Variants in MIS18A observed in about 807,000 individuals in gnomAD.
MIS18A encodes the protein MIS18 kinetochore protein A.
A neutral mutation model predicts 25.0 loss-of-function variants in MIS18A; 14 were observed. The ratio of observed to expected loss-of-function variants is 0.56; its 90% CI spans 0.37 to 0.88. The LOEUF (loss-of-function observed/expected upper bound fraction) is 0.88. Among genes scored for constraint, MIS18A ranks in the 40% least tolerant of loss-of-function variants. The probability of loss-of-function intolerance (pLI) is 0.00; values close to 1 mark genes in which losing one functional copy is unlikely to be tolerated. For synonymous variants in MIS18A, 134 were observed against 118.6 expected (o/e 1.13, Z -0.84); for missense variants, 292 against 290.8 (o/e 1.00, Z -0.03).
Position 32,274,949 on chromosome 21 carries a change from C to A in MIS18A, c.335-53G>T. 2.1e-6 allele frequency: 3 copies of A among 1,412,948 alleles called. No individual in the cohort carries two copies. The South Asian group carries it at 3.7e-5, about 17-fold the overall frequency. 87.5% of individuals were successfully genotyped at this position (1,412,948 alleles called of 1,614,324 possible). A position where few individuals can be genotyped will look rare whatever the true frequency, so the allele number is the denominator to read the frequency against. On this transcript the variant is annotated intron_variant, in intron 1 of 4. Transcript: ENST00000290130. ...TATTAATGTAGTTCGTTATAACATACCTGCAGACAGAGAGTTTCTAATCCA... is the reference window on the plus strand; with the variant it reads ...TATTAATGTAGTTCGTTATAACATAACTGCAGACAGAGAGTTTCTAATCCA...
chr21:32,245,287 G>A, the MIS18A span, among the ~76,000 whole-genome samples: 3 of 152,220 alleles, frequency 2.0e-5, no homozygotes, highest in African/African-American at 7.2e-5. Flanking sequence ...ATCGCACTGG[G>A]AAGATAAATA....
the MIS18A span, among the ~76,000 whole-genome samples, chr21:32,196,195 T>A: frequency 6.6e-6 from 1 of 152,050 alleles, no homozygotes; most frequent in East Asian, 1.9e-4. Flanking sequence ...GCCACCTCCG[T>A]GTGGGTGGGC....
chr21:32,191,159 C>G, the MIS18A span, among the ~76,000 whole-genome samples: 124 of 152,198 alleles, frequency 8.1e-4, 1 homozygote, highest in Non-Finnish European at 1.3e-4. Context: ...AATAAATGTC[C>G]AGGGGATAAA....
intron 2 of MIS18A, among the ~76,000 whole-genome samples, chr21:32,272,263 C>T (rs2031727976): frequency 6.6e-6 from 1 of 152,184 alleles, no homozygotes; most frequent in South Asian, 2.1e-4. Context: ...ACAGAGAAAA[C>T]AGCACTGGCA....
the MIS18A span, among the ~76,000 whole-genome samples, chr21:32,246,996 C>G: frequency 6.6e-6 from 1 of 152,154 alleles, no homozygotes; most frequent in Non-Finnish European, 1.5e-5. Context: ...ATGACTGGCT[C>G]CAACCCAAAC....
the MIS18A span, among the ~76,000 whole-genome samples, chr21:32,203,654 C>A: frequency 8.1e-6 from 1 of 122,868 alleles, no homozygotes; most frequent in Non-Finnish European, 1.6e-5. Flanking sequence ...GGGTCTCACT[C>A]TGTCACCCAG....
chr21:32,173,967 T>G, the MIS18A span, among the ~76,000 whole-genome samples: 4 of 54,832 alleles, frequency 7.3e-5, no homozygotes, highest in Admixed American at 5.3e-4. Flanking sequence ...TTTTTTTTTT[T>G]TTTTTTTTTT....
At chr21:32,244,347 A>C in the MIS18A span, among the ~76,000 whole-genome samples, 1 of 152,044 alleles carries the variant, frequency 6.6e-6, no homozygotes, top group Admixed American at 6.6e-5. Flanking sequence ...AGGTGGTTAC[A>C]TGAGGGTGTA....
the MIS18A span, among the ~76,000 whole-genome samples, chr21:32,178,953 C>T: frequency 1.3e-5 from 2 of 152,138 alleles, no homozygotes; most frequent in African/African-American, 4.8e-5. Flanking sequence ...TCAGCTGCTT[C>T]ATCTGCTGTT....
the MIS18A span, among the ~76,000 whole-genome samples, chr21:32,201,292 C>G: frequency 1.3e-5 from 2 of 152,002 alleles, no homozygotes; most frequent in East Asian, 3.9e-4. Context: ...GAGCCGACCC[C>G]GAGACAGAGG....
chr21:32,242,219 G>A, the MIS18A span, among the ~76,000 whole-genome samples: 4 of 152,322 alleles, frequency 2.6e-5, no homozygotes, highest in Admixed American at 6.5e-5. Context: ...GCCTGAGAGC[G>A]ATTGAATTTT....
the MIS18A span, among the ~76,000 whole-genome samples, chr21:32,198,615 G>A: frequency 2.6e-5 from 4 of 152,326 alleles, no homozygotes; most frequent in East Asian, 7.7e-4. Flanking sequence ...AGCCCAGCAG[G>A]GATACTCACA....
chr21:32,210,751 A>G, the MIS18A span, among the ~76,000 whole-genome samples: 1 of 152,170 alleles, frequency 6.6e-6, no homozygotes, highest in African/African-American at 2.4e-5. Context: ...TTGTTAATAG[A>G]GGCATTAAAA....
the MIS18A span, among the ~76,000 whole-genome samples, chr21:32,228,411 A>G: frequency 6.6e-6 from 1 of 152,214 alleles, no homozygotes. Flanking sequence ...TAATAGTGAA[A>G]GGCAGTGCTT....
the MIS18A span, among the ~76,000 whole-genome samples, chr21:32,240,296 C>G: frequency 6.6e-6 from 1 of 152,236 alleles, no homozygotes; most frequent in African/African-American, 2.4e-5. Flanking sequence ...AGGTGAAGCC[C>G]TCACGAATGG....
chr21:32,207,362 T>C, the MIS18A span, among the ~76,000 whole-genome samples: 77 of 152,286 alleles, frequency 5.1e-4, no homozygotes, highest in Admixed American at 7.8e-4. Flanking sequence ...AGGGCAGATG[T>C]TTTTTACATA....
the MIS18A span, among the ~76,000 whole-genome samples, chr21:32,193,199 G>C: frequency 9.2e-5 from 14 of 152,262 alleles, no homozygotes; most frequent in Non-Finnish European, 1.3e-4. Flanking sequence ...GGCATGAGGA[G>C]GCCAGGCCTG....
At chr21:32,263,663 G>C (rs913146969), downstream of MIS18A, among the ~76,000 whole-genome samples, 1 of 152,126 alleles carries the variant, frequency 6.6e-6, no homozygotes, top group African/African-American at 2.4e-5. Flanking sequence ...TTTCATTTTA[G>C]ACGTACTAAA....
chr21:32,154,912 A>C, the MIS18A span, among the ~76,000 whole-genome samples: 1 of 152,172 alleles, frequency 6.6e-6, no homozygotes, highest in Non-Finnish European at 1.5e-5. Flanking sequence ...CAGCAGAAAA[A>C]CCAAAAGGCA....
Sources: gnomAD v4.1 joint callset for allele counts (sites outside exome capture counted in the v4.1 genomes callset) on GRCh38, gnomAD v4.1.1 for gene constraint, MANE v1.5 for transcripts, NCBI Gene and HGNC (gene_info 2026-07-23, HGNC 2026-07-21) for gene names.